PTPRK: variants seen among roughly 807,000 people sequenced by gnomAD.
PTPRK encodes protein tyrosine phosphatase receptor type K.
A neutral mutation model predicts 178.0 loss-of-function variants in PTPRK; 75 were observed. That is an observed-to-expected ratio of 0.42 (90% CI 0.35 to 0.51). The LOEUF (loss-of-function observed/expected upper bound fraction) is 0.51, where lower values mean the gene tolerates loss of function less well. PTPRK is among the 20% of genes least tolerant of loss of function. PTPRK has a pLI of 0.02. For missense variants in PTPRK, 1,441 were observed against 1,797.8 expected, an observed-to-expected ratio of 0.80 and a Z score of 3.59; for synonymous variants, 637 against 620.6, an observed-to-expected ratio of 1.03 and a Z score of -0.39.
chr6:128,078,714 A>G (rs1784284060), intron 11 of PTPRK, 99 bp downstream of exon 11: 2 of 781,002 alleles, frequency 2.6e-6, no homozygotes, highest in Non-Finnish European at 4.3e-6. Context: ...TACAGTCTGT[A>G]TAGGGTTTGT....
intron 1 of PTPRK, among the ~76,000 whole-genome samples, chr6:128,468,933 A>C (rs1339790369): frequency 2.0e-5 from 3 of 151,534 alleles, no homozygotes; most frequent in African/African-American, 7.3e-5. Context: ...AAAAAAAAAA[A>C]AAAAAAACCT....
At chr6:128,174,932 A>T (rs1800839909) in intron 7 of PTPRK, among the ~76,000 whole-genome samples, 1 of 151,898 alleles carries the variant, frequency 6.6e-6, no homozygotes, top group African/African-American at 2.4e-5. Flanking sequence ...AGCTCAACAC[A>T]GAAATGCATT....
chr6:128,107,405 C>T (rs748933322), intron 7 of PTPRK, among the ~76,000 whole-genome samples: 40 of 152,096 alleles, frequency 2.6e-4, no homozygotes, highest in Non-Finnish European at 1.9e-4. Context: ...TGCACCAAGG[C>T]ATAATGTATA....
In PTPRK at chr6:128,184,417, G is replaced by C; in HGVS notation, c.1162+15C>G. 2 of 1,610,268 alleles carry C rather than the reference G, an allele frequency of 1.2e-6. No homozygotes were observed. The highest frequency in any genetic ancestry group is 1.7e-6 in the Non-Finnish European group (2 of 1,177,668). Reference sequence around the variant, plus strand: ...TTCCTTCACAAGGTAGAAAAGGTCTGCTACTCAGTCTTACCTGCACATTTT... The same window carrying C: ...TTCCTTCACAAGGTAGAAAAGGTCTCCTACTCAGTCTTACCTGCACATTTT... On this transcript the variant is annotated intron_variant, in intron 7 of 29. Coordinates refer to ENST00000368226, the MANE Select transcript of PTPRK (RefSeq NM_002844.4).
intron 13 of PTPRK, among the ~76,000 whole-genome samples, chr6:128,047,836 T>C (rs1217118851): frequency 6.6e-6 from 1 of 152,076 alleles, no homozygotes; most frequent in Non-Finnish European, 1.5e-5. Flanking sequence ...ATTTCCATAA[T>C]GACTTTTTTT....
intron 2 of PTPRK, among the ~76,000 whole-genome samples, chr6:128,323,437 G>T (rs1829110196): frequency 6.6e-6 from 1 of 152,078 alleles, no homozygotes; most frequent in Admixed American, 6.6e-5. Context: ...TATATCAGAT[G>T]TAGTGTTATA....
rs548906783 is a variant in PTPRK at position 128,086,939 on chromosome 6, G to C, written c.1465+2751C>G. Among the ~76,000 whole-genome samples, 277 of 151,750 alleles carry C rather than the reference G, an allele frequency of 1.8e-3. 1 individual carries two copies. Among genetic ancestry groups the C allele is most frequent in the African/African-American group, 6.4e-3 (265 of 41,400 alleles). On this transcript the variant is annotated intron_variant, in intron 8 of 29. Coordinates refer to ENST00000368226, the MANE Select transcript of PTPRK (RefSeq NM_002844.4). The stretch of plus-strand genomic sequence containing the variant: ...CAAAACAGAGATTAAAATAAAACTA[G>C]GATTGAAAATGATATTAAAATTAGA...
intron 7 of PTPRK, among the ~76,000 whole-genome samples, chr6:128,090,229 A>G (rs1786689176): frequency 6.6e-6 from 1 of 152,204 alleles, no homozygotes; most frequent in Non-Finnish European, 1.5e-5. Context: ...GGTACTCAGG[A>G]ACTTGGCAGA....
chr6:128,165,459 G>A (rs1325829269), intron 7 of PTPRK, among the ~76,000 whole-genome samples: 1 of 150,922 alleles, frequency 6.6e-6, no homozygotes, highest in Non-Finnish European at 1.5e-5. Context: ...TTTTTATATT[G>A]TGAGAAGGAA....
intron 1 of PTPRK, among the ~76,000 whole-genome samples, chr6:128,482,508 A>G (rs999934023): frequency 6.6e-6 from 1 of 152,140 alleles, no homozygotes; most frequent in Non-Finnish European, 1.5e-5. Context: ...ACACCAGAAG[A>G]GGTGGATAGA....
At chr6:128,227,869 T>G (rs1478202697) in intron 5 of PTPRK, among the ~76,000 whole-genome samples, 2 of 152,102 alleles carry the variant, frequency 1.3e-5, no homozygotes, top group Non-Finnish European at 2.9e-5. Context: ...AATATCATTA[T>G]TAATTACTAG....
intron 7 of PTPRK, among the ~76,000 whole-genome samples, chr6:128,162,554 AATTG>A (rs1238399643): frequency 3.3e-5 from 5 of 151,730 alleles, no homozygotes. Flanking sequence ...TAATTGATTG[AATTG>A]ATTGTCAAAT....
intron 2 of PTPRK, among the ~76,000 whole-genome samples, chr6:128,377,710 CA>C (rs991136121): frequency 8.7e-4 from 106 of 121,770 alleles, no homozygotes; most frequent in African/African-American, 2.3e-3. Flanking sequence ...AAGCAACCAA[CA>C]AAAAAAAAAG....
chr6:128,046,756 AT>A (rs1409690146), intron 13 of PTPRK, among the ~76,000 whole-genome samples: 1 of 152,116 alleles, frequency 6.6e-6, no homozygotes, highest in Non-Finnish European at 1.5e-5. Context: ...CAAGAGTGCA[AT>A]TTAAGAGTGG....
At chr6:128,191,458 C>G (rs1339499002) in intron 6 of PTPRK, among the ~76,000 whole-genome samples, 2 of 151,842 alleles carry the variant, frequency 1.3e-5, no homozygotes, top group African/African-American at 2.4e-5. Context: ...TCAAAGTGTA[C>G]AGAATTTGTT....
intron 1 of PTPRK, among the ~76,000 whole-genome samples, chr6:128,462,331 CAT>C (rs561227611): frequency 9.9e-5 from 15 of 152,130 alleles, no homozygotes; most frequent in African/African-American, 3.1e-4. Context: ...GGAAAAATCA[CAT>C]GTTGTTTATT....
chr6:128,372,683 G>A (rs1028017284), intron 2 of PTPRK, among the ~76,000 whole-genome samples: 3 of 152,080 alleles, frequency 2.0e-5, no homozygotes, highest in African/African-American at 7.2e-5. Context: ...TTTTCATTAT[G>A]TTGTATTTTA....
intron 13 of PTPRK, among the ~76,000 whole-genome samples, chr6:128,035,582 T>C (rs1396498188): frequency 6.6e-6 from 1 of 152,184 alleles, no homozygotes; most frequent in Non-Finnish European, 1.5e-5. Context: ...ATCTGTATTC[T>C]ATTTTAGGAA....
chr6:128,067,714 A>T lies in PTPRK; in HGVS notation c.1962T>A (p.Val654=), dbSNP rs35130272. 6.2e-7 allele frequency: 1 copy of T among 1,613,758 alleles called. No individual in the cohort carries two copies. Among genetic ancestry groups the T allele is most frequent in the East Asian group, 2.2e-5 (1 of 44,858 alleles). The change falls in exon 12 of 30, where the codon GTT becomes GTA. Residue 654 remains valine, a synonymous_variant. Transcript: ENST00000368226. ...TCATGGCATTTTGGTATGTGACAGG[A>T]ACCTGGTAGCATTCCATGGCTCCGG... ...REAGAMECYQ[V]PVTYQNAMSG...
Sources: allele counts gnomAD v4.1 joint callset (sites outside exome capture counted in the v4.1 genomes callset), GRCh38; gene constraint gnomAD v4.1.1; transcripts MANE v1.5; gene names NCBI Gene and HGNC (gene_info 2026-07-23, HGNC 2026-07-21).